PLXNA2: variants seen among roughly 807,000 people sequenced by gnomAD.
PLXNA2 encodes plexin-A2.
In PLXNA2, 91 loss-of-function variants were observed where a neutral mutation model predicts 193.5. The ratio of observed to expected loss-of-function variants is 0.47; its 90% CI spans 0.40 to 0.56. The LOEUF is 0.56. PLXNA2 is among the 20% of genes least tolerant of loss of function. PLXNA2 has a pLI of 0.00. For synonymous variants in PLXNA2, 997 were observed against 1,027.3 expected, an observed-to-expected ratio of 0.97 and a Z score of 0.56; for missense variants, 1,995 against 2,503.2, an observed-to-expected ratio of 0.80 and a Z score of 4.33.
chr1:208,217,642 C>T lies in PLXNA2; in HGVS notation c.281G>A (p.Cys94Tyr), dbSNP rs1671181126. Residue 94 changes from cysteine to tyrosine, a missense_variant, in exon 2 of 32, where the codon TGT becomes TAT. This residue lies in a region of PLXNA2 where 702 missense variants were observed against 812.9 expected (regional missense o/e 0.86). Transcript: ENST00000367033. This position sits in a 1 kb window ranked among gnomAD's most constrained non-coding sequence, Gnocchi z 4.7. ...KTGPEEDNKS[C>Y]YPPLIVQPCS... is the part of the protein sequence containing the mutation. Reference sequence around the variant, plus strand: ...GGGCTGCACGATGAGGGGCGGGTAACAAGACTTGTTGTCCTCTTCTGGCCC... The same window carrying T: ...GGGCTGCACGATGAGGGGCGGGTAATAAGACTTGTTGTCCTCTTCTGGCCC... The T allele has an allele frequency of 6.2e-7, 1 of 1,614,044 alleles. No individual in the cohort carries two copies. The highest frequency in any genetic ancestry group is 1.3e-5 in the African/African-American group (1 of 74,914).
chr1:208,197,761 TGAA>T (rs1310080424), intron 3 of PLXNA2, among the ~76,000 whole-genome samples: 3 of 152,214 alleles, frequency 2.0e-5, no homozygotes, highest in Non-Finnish European at 2.9e-5. Flanking sequence ...ACGAGCTGTC[TGAA>T]GCTTGACCAT....
chr1:208,222,729 C>T (rs1671378350), intron 1 of PLXNA2, among the ~76,000 whole-genome samples: 2 of 152,162 alleles, frequency 1.3e-5, no homozygotes, highest in Admixed American at 1.3e-4. Context: ...GATCTGGGTG[C>T]ACATGCCTCT....
intron 26 of PLXNA2, among the ~76,000 whole-genome samples, chr1:208,036,601 T>C (rs994340373): frequency 1.7e-4 from 26 of 152,194 alleles, no homozygotes; most frequent in Non-Finnish European, 1.0e-4. Context: ...CAGTAAGTGT[T>C]GGTATTAGCG....
chr1:208,086,529 T>C (rs1392412208), intron 9 of PLXNA2, among the ~76,000 whole-genome samples: 1 of 152,124 alleles, frequency 6.6e-6, no homozygotes, highest in African/African-American at 2.4e-5. Flanking sequence ...GGGGAAATTC[T>C]GCACAGAAAC....
At chr1:208,105,610 C>T (rs912359211) in intron 4 of PLXNA2, among the ~76,000 whole-genome samples, 2 of 152,230 alleles carry the variant, frequency 1.3e-5, no homozygotes, top group Non-Finnish European at 2.9e-5. Context: ...TTGAACCCTG[C>T]CTCATGGCCC....
chr1:208,205,737 T>TTCCTG (rs1268507079), intron 3 of PLXNA2, among the ~76,000 whole-genome samples: 1 of 152,202 alleles, frequency 6.6e-6, no homozygotes, highest in Non-Finnish European at 1.5e-5. Flanking sequence ...ACCTCATTCC[T>TTCCTG]TCCTGGGTCA....
At position 208,084,363 on chromosome 1, in the gene PLXNA2, A is replaced by C; in HGVS notation, c.2298+17T>G. ...GGAAGCCCTGCTCCAGGCAGGGCCC[A>C]GCCTGCGTTTTCTTACCGAGCTGTT... On this transcript the variant is annotated intron_variant, in intron 10 of 31. Coordinates refer to ENST00000367033, the MANE Select transcript of PLXNA2 (RefSeq NM_025179.4). 3 of 1,613,284 alleles carry C rather than the reference A, an allele frequency of 1.9e-6. No individual in the cohort carries two copies. The highest frequency in any genetic ancestry group is 2.5e-6 in the Non-Finnish European group (3 of 1,179,536).
At chr1:208,211,393 C>A (rs1670937031) in intron 2 of PLXNA2, among the ~76,000 whole-genome samples, 1 of 151,890 alleles carries the variant, frequency 6.6e-6, no homozygotes, top group East Asian at 1.9e-4. Context: ...TCACCTTGAG[C>A]AAGTGAAAAA....
chr1:208,029,897 CT>C, intron 29 of PLXNA2: 1 of 985,580 alleles, frequency 1.0e-6, no homozygotes, highest in Non-Finnish European at 1.2e-6. Flanking sequence ...GCCTTCTGGG[CT>C]TTAACTCTTT....
rs770081709 is a variant in PLXNA2 at position 208,044,665 on chromosome 1, G to A, written c.3717C>T (p.Ile1239=). The change falls in exon 20 of 32, where the codon ATC becomes ATT. Residue 1239 remains isoleucine, a synonymous_variant. Coordinates refer to ENST00000367033, the MANE Select transcript of PLXNA2 (RefSeq NM_025179.4). The surrounding 1 kb of genome is among the most constrained non-coding windows in gnomAD (Gnocchi z 4.9). The stretch of plus-strand genomic sequence containing the variant: ...GGCTGCCGCCGGCCGCGATGCTGAC[G>A]ATGGCTGGCAGGGTCAGCAAGCTGT... The part of the protein sequence containing the change: ...ISDSLLTLPA[I]VSIAAGGSLL... 2.2e-5 allele frequency: 35 copies of A among 1,613,946 alleles called. No individual in the cohort carries two copies. Among genetic ancestry groups the A allele is most frequent in the East Asian group, 1.6e-4 (7 of 44,878 alleles).
intron 3 of PLXNA2, among the ~76,000 whole-genome samples, chr1:208,167,231 T>A (rs771637774): frequency 1.3e-5 from 2 of 152,140 alleles, no homozygotes; most frequent in Non-Finnish European, 2.9e-5. Flanking sequence ...AAGAAAAGGC[T>A]GAGAGGAAGA....
Position 208,236,692 on chromosome 1 carries a change from C to T in PLXNA2, c.-81+6951G>A, listed in dbSNP as rs74155216. Among the ~76,000 whole-genome samples, 412 of 152,352 alleles carry T rather than the reference C, an allele frequency of 2.7e-3. 4 individuals are homozygous for T. The highest frequency in any genetic ancestry group is 9.4e-3 in the African/African-American group (392 of 41,574). On this transcript the variant is annotated intron_variant, in intron 1 of 31. Coordinates refer to ENST00000367033, the MANE Select transcript of PLXNA2 (RefSeq NM_025179.4). The surrounding 1 kb of genome is among the most constrained non-coding windows in gnomAD (Gnocchi z 4.4). ...ACTCTCAGAAGCACTGGGGTTACAG[C>T]TCCTCATCCAAAGCCCTGTTCCACC...
At chr1:208,212,472 G>A (rs1490374508) in intron 2 of PLXNA2, among the ~76,000 whole-genome samples, 1 of 152,166 alleles carries the variant, frequency 6.6e-6, no homozygotes, top group Non-Finnish European at 1.5e-5. Context: ...TTGAACCCGG[G>A]ATAATATTGA....
chr1:208,122,849 G>A (rs1667848073), intron 4 of PLXNA2, among the ~76,000 whole-genome samples: 1 of 152,182 alleles, frequency 6.6e-6, no homozygotes. Context: ...CCAGGGGAAG[G>A]AGAGGTGCTG....
At chr1:208,033,129 C>T (rs1293557025) in intron 28 of PLXNA2, among the ~76,000 whole-genome samples, 190 bp downstream of exon 28, 1 of 151,150 alleles carries the variant, frequency 6.6e-6, no homozygotes, top group Non-Finnish European at 1.5e-5. Flanking sequence ...CTCTTGGGCT[C>T]AAGGCATCCT....
At chr1:208,098,723 G>A in intron 6 of PLXNA2, 123 bp downstream of exon 6, 2 of 1,139,868 alleles carry the variant, frequency 1.8e-6, no homozygotes, top group Non-Finnish European at 2.5e-6. Context: ...TAAACATAAA[G>A]TCTCCTTACT....
At chr1:208,188,723 A>G (rs572846348) in intron 3 of PLXNA2, among the ~76,000 whole-genome samples, 17 of 152,010 alleles carry the variant, frequency 1.1e-4, no homozygotes, top group African/African-American at 3.6e-4. Context: ...AAAAAAAAAA[A>G]AAAGAAAAAA....
intron 29 of PLXNA2, chr1:208,030,934 T>C: frequency 2.0e-6 from 2 of 986,296 alleles, no homozygotes; most frequent in Non-Finnish European, 2.4e-6. Flanking sequence ...CTTCTCCCAC[T>C]GCTGGTCTGG....
At chr1:208,234,308 C>T (rs543488077) in intron 1 of PLXNA2, among the ~76,000 whole-genome samples, 13 of 152,308 alleles carry the variant, frequency 8.5e-5, no homozygotes, top group South Asian at 8.3e-4. Flanking sequence ...AAGTATTCTA[C>T]ACCAAACACC....
Sources: gnomAD v4.1 joint callset for allele counts (sites outside exome capture counted in the v4.1 genomes callset) on GRCh38, gnomAD v4.1.1 for gene constraint, gnomAD v4.1.1 regional missense constraint, Gnocchi (gnomAD v3.1) non-coding constraint, MANE v1.5 for transcripts, NCBI Gene and HGNC (gene_info 2026-07-23, HGNC 2026-07-21) for gene names.